The following EDARADD variants were observed in gnomAD, a reference collection of about 807,000 sequenced individuals.
EDARADD encodes the protein EDAR associated via death domain.
In EDARADD, 20 loss-of-function variants were observed where a neutral mutation model predicts 25.6. The observed-to-expected ratio is 0.78, with a 90% confidence interval of 0.55 to 1.14. EDARADD has a LOEUF of 1.14. EDARADD is among the 50% of genes most tolerant of loss of function. EDARADD has a pLI of 0.00. For missense variants in EDARADD, 225 were observed against 270.1 expected (o/e 0.83, Z 1.17); for synonymous variants, 86 against 94.4 (o/e 0.91, Z 0.52).
chr1:236,405,874 C>CTTCCTTCCTTCTTTCTTTCT (rs56931070), intron 1 of EDARADD, among the ~76,000 whole-genome samples: 15 of 30,864 alleles, frequency 4.9e-4, no homozygotes, highest in East Asian at 1.7e-3. Flanking sequence ...TCCTTCCTTC[C>CTTCCTTCCTTCTTTCTTTCT]TTCTTTCTTT....
intron 3 of EDARADD, 80 bp from the exon 4 acceptor site, chr1:236,427,312 T>C: frequency 7.0e-7 from 1 of 1,425,676 alleles, no homozygotes; most frequent in Non-Finnish European, 9.6e-7. Context: ...TGAACCTTAA[T>C]TTTAGGTCTT....
intron 4 of EDARADD, among the ~76,000 whole-genome samples, chr1:236,464,976 G>A (rs888384415): frequency 7.2e-5 from 11 of 151,990 alleles, no homozygotes; most frequent in African/African-American, 2.4e-4. Context: ...AGCTCCTGGG[G>A]GCATCTCAAG....
rs80325342 is a variant in EDARADD, at chr1:236,404,342, C to T, written c.62-4874C>T. On this transcript the variant is annotated intron_variant, in intron 1 of 5. Transcript: ENST00000334232. Reference sequence around the variant, plus strand: ...CAGTCTCAAATAACCAGGATCTGCTCTCCTCCAAATAACTTCCCTGGTACA... The same window carrying T: ...CAGTCTCAAATAACCAGGATCTGCTTTCCTCCAAATAACTTCCCTGGTACA... Among the ~76,000 whole-genome samples, 809 of 152,288 alleles carry T rather than the reference C, an allele frequency of 5.3e-3. 10 individuals are homozygous for T. Among genetic ancestry groups the T allele is most frequent in the African/African-American group, 0.019 (780 of 41,556 alleles).
intron 1 of EDARADD, among the ~76,000 whole-genome samples, chr1:236,404,097 C>A (rs1014858011): frequency 6.6e-6 from 1 of 152,202 alleles, no homozygotes. Context: ...GCCTTGTCTC[C>A]GATGGGCTCA....
At chr1:236,466,440 A>AC (rs1553270444) in intron 4 of EDARADD, among the ~76,000 whole-genome samples, 7,767 of 124,440 alleles carry the variant, frequency 0.062, 482 homozygotes, top group African/African-American at 0.16. Context: ...CTCTCTGATA[A>AC]ACACACACAC....
At position 236,409,318 on chromosome 1, in the gene EDARADD, CT is replaced by C. The variant is rs772283262; in HGVS notation, c.120+51del. The C allele has an allele frequency of 3.2e-5, 48 of 1,486,242 alleles. 1 individual carries two copies. Among genetic ancestry groups the C allele is most frequent in the African/African-American group, 6.9e-5 (5 of 72,304 alleles). 92.1% of individuals were successfully genotyped at this position (1,486,242 alleles called of 1,614,324 possible). ...ACTAATGGTGATAATTATTGTTTTG[CT>C]TTTTTTCTTTGTTATTTCTTTACGT... On this transcript the variant is annotated intron_variant, in intron 2 of 5. Coordinates refer to ENST00000334232, the MANE Select transcript of EDARADD (RefSeq NM_145861.4).
intron 4 of EDARADD, among the ~76,000 whole-genome samples, chr1:236,440,850 C>T (rs1384509656): frequency 1.3e-5 from 2 of 152,178 alleles, no homozygotes; most frequent in African/African-American, 2.4e-5. Context: ...GGCCATTCCT[C>T]TGTCTCCCTC....
intron 3 of EDARADD, among the ~76,000 whole-genome samples, chr1:236,418,055 G>A (rs774588081): frequency 4.6e-5 from 7 of 150,602 alleles, no homozygotes; most frequent in South Asian, 2.1e-4. Context: ...CCAAGTTCAC[G>A]CCATTCTCCT....
chr1:236,448,655 A>C (rs188613232), intron 4 of EDARADD, among the ~76,000 whole-genome samples: 1 of 152,314 alleles, frequency 6.6e-6, no homozygotes, highest in East Asian at 1.9e-4. Context: ...ATAACTAACT[A>C]TAGGTGCTCC....
intron 1 of EDARADD, among the ~76,000 whole-genome samples, chr1:236,402,244 G>A (rs1667626225): frequency 6.6e-6 from 1 of 152,180 alleles, no homozygotes; most frequent in South Asian, 2.1e-4. Flanking sequence ...TTACAGATGT[G>A]AGCCACTGTG....
chr1:236,401,885 C>T (rs112714355), intron 1 of EDARADD, among the ~76,000 whole-genome samples: 168 of 152,220 alleles, frequency 1.1e-3, no homozygotes, highest in African/African-American at 3.9e-3. Flanking sequence ...ATGATTGGTG[C>T]CCATATAAAA....
chr1:236,380,179 CT>C (rs1489717570), intron 3 of EDARADD, among the ~76,000 whole-genome samples: 1 of 152,030 alleles, frequency 6.6e-6, no homozygotes, highest in African/African-American at 2.4e-5. Context: ...TAGCATAAGA[CT>C]ATTTGCGTCT....
At chr1:236,482,230 CTTG>C (rs1282632623) in intron 5 of EDARADD, 34 bp from the exon 6 acceptor site, 1 of 1,613,886 alleles carries the variant, frequency 6.2e-7, no homozygotes, top group Non-Finnish European at 8.5e-7. Context: ...TGTTAGGCCT[CTTG>C]TTGACCTGTG....
At chr1:236,421,771 C>T (rs1442837179) in intron 3 of EDARADD, among the ~76,000 whole-genome samples, 1 of 152,078 alleles carries the variant, frequency 6.6e-6, no homozygotes, top group Non-Finnish European at 1.5e-5. Flanking sequence ...TCCCAAAGTG[C>T]TGGGATTACA....
At chr1:236,455,007 C>T (rs565843980) in intron 4 of EDARADD, among the ~76,000 whole-genome samples, 31 of 152,062 alleles carry the variant, frequency 2.0e-4, no homozygotes, top group African/African-American at 6.3e-4. Flanking sequence ...GTCAGGAGTT[C>T]GAGAGCAGCT....
chr1:236,472,875 G>A (rs753072332), intron 5 of EDARADD, among the ~76,000 whole-genome samples: 1 of 152,116 alleles, frequency 6.6e-6, no homozygotes, highest in Non-Finnish European at 1.5e-5. Flanking sequence ...AGCTCATGCC[G>A]TTAATCTCCA....
At chr1:236,422,087 G>T (rs1189426558) in intron 3 of EDARADD, among the ~76,000 whole-genome samples, 1 of 151,802 alleles carries the variant, frequency 6.6e-6, no homozygotes, top group Non-Finnish European at 1.5e-5. Flanking sequence ...GTCTCCAGAG[G>T]TTGTGGATTT....
intron 3 of EDARADD, among the ~76,000 whole-genome samples, chr1:236,378,057 G>C (rs576186902): frequency 9.2e-5 from 14 of 152,196 alleles, no homozygotes; most frequent in African/African-American, 3.4e-4. Flanking sequence ...TCTTTTGTCA[G>C]CCTATGACTC....
chr1:236,365,564 C>T (rs958408282), intron 3 of EDARADD, among the ~76,000 whole-genome samples: 4 of 152,174 alleles, frequency 2.6e-5, no homozygotes, highest in African/African-American at 9.7e-5. Flanking sequence ...ACCTTGGCCT[C>T]CCAAAGTGCT....
Sources: allele counts gnomAD v4.1 joint callset (sites outside exome capture counted in the v4.1 genomes callset), GRCh38; gene constraint gnomAD v4.1.1; transcripts MANE v1.5; gene names NCBI Gene and HGNC (gene_info 2026-07-23, HGNC 2026-07-21).